Variants in MGP observed in about 807,000 individuals in gnomAD.
MGP encodes the protein matrix Gla protein.
In MGP, 13 loss-of-function variants were observed where a neutral mutation model predicts 14.5. The ratio of observed to expected loss-of-function variants is 0.89; its 90% confidence interval spans 0.58 to 1.42. The LOEUF (loss-of-function observed/expected upper bound fraction) is 1.42, where lower values mean the gene tolerates loss of function less well. Ranked by LOEUF, MGP falls within the 40% of genes most tolerant of loss-of-function variation. MGP has a pLI of 0.00. For missense variants in MGP, 128 were observed against 133.7 expected (o/e 0.96, Z 0.21); for synonymous variants, 44 against 46.3 (o/e 0.95, Z 0.20).
At chr12:14,883,269 G>T in intron 2 of MGP, 1 of 497,434 alleles carries the variant, frequency 2.0e-6, no homozygotes, top group South Asian at 2.2e-5. Context: ...TTGTCATATA[G>T]GCTTTGTTGG....
intron 2 of MGP, chr12:14,883,971 G>A (rs529989847): frequency 8.5e-6 from 3 of 353,902 alleles, no homozygotes; most frequent in Admixed American, 4.3e-5. Context: ...ATTTCCAAAT[G>A]AGATTTTATG....
intron 3 of MGP, 140 bp from the exon 4 acceptor site, chr12:14,882,420 T>G (rs1863388615): frequency 9.2e-7 from 1 of 1,088,860 alleles, no homozygotes. Flanking sequence ...AGGGAGAGGC[T>G]GGGTGCGGTG....
intron 2 of MGP, 38 bp downstream of exon 2, chr12:14,884,175 G>T: frequency 7.1e-7 from 1 of 1,412,930 alleles, no homozygotes. Flanking sequence ...GTTCTTTAAT[G>T]CAAGGGATTT....
chr12:14,880,927 A>G lies in MGP; in HGVS notation c.*1212T>C, dbSNP rs1321476099. Reference sequence around the variant, plus strand: ...AGGTAAGAATTACAACAAATTTTATATCGAAAAATTGTGCAAGCTAGAATT... The same window carrying G: ...AGGTAAGAATTACAACAAATTTTATGTCGAAAAATTGTGCAAGCTAGAATT... On this transcript the variant is annotated 3_prime_UTR_variant, in exon 4 of 4. Transcript: ENST00000539261. Among the ~76,000 whole-genome samples, 1 of 152,246 alleles carries G rather than the reference A, an allele frequency of 6.6e-6. No homozygotes were observed. The highest frequency in any genetic ancestry group is 2.4e-5 in the African/African-American group (1 of 41,464).
At chr12:14,885,700 AAC>A in intron 1 of MGP, 29 bp downstream of exon 1, 4 of 1,592,282 alleles carry the variant, frequency 2.5e-6, no homozygotes, top group South Asian at 1.1e-5. Flanking sequence ...CAGAAAAGTA[AAC>A]ACAGAGAAAT....
At chr12:14,885,617 TAA>T in intron 1 of MGP, 112 bp downstream of exon 1, 5 of 798,278 alleles carry the variant, frequency 6.3e-6, no homozygotes, top group Non-Finnish European at 1.1e-5. Context: ...AATGGTACTT[TAA>T]GATTATAACA....
At position 14,881,869 on chromosome 12, in the gene MGP, A is replaced by T. The variant is rs1339142486; in HGVS notation, c.*270T>A. ...GATTTAAATATCTCAATATCTTCCC[A>T]AAAGAAAGCAGATTTACAAGATGAA... On this transcript the variant is annotated 3_prime_UTR_variant, in exon 4 of 4. Transcript: ENST00000539261. 1 of 451,550 alleles carries T rather than the reference A, an allele frequency of 2.2e-6. No homozygotes were observed. Among genetic ancestry groups the T allele is most frequent in the Non-Finnish European group, 4.1e-6 (1 of 245,736 alleles). The allele number at this position is 451,550 out of a possible 1,614,324, so 28.0% of individuals were successfully genotyped here. A position where few individuals can be genotyped will look rare whatever the true frequency, so the allele number is the denominator to read the frequency against.
chr12:14,885,703 A>G (rs1254195154), intron 1 of MGP, 28 bp downstream of exon 1: 4 of 1,597,950 alleles, frequency 2.5e-6, no homozygotes, highest in Admixed American at 1.7e-5. Context: ...AAAAGTAAAC[A>G]CAGAGAAATG....
Position 14,885,722 on chromosome 12 carries a change from G to GT in MGP, c.61+8dup. 2 of 1,611,458 alleles carry GT rather than the reference G, an allele frequency of 1.2e-6. No individual in the cohort carries two copies. The highest frequency in any genetic ancestry group is 2.2e-5 in the South Asian group (2 of 90,914). On this transcript the variant is annotated intron_variant, in intron 1 of 3. Transcript: ENST00000539261. The stretch of plus-strand genomic sequence containing the variant: ...GTAAACACAGAGAAATGGGAGAAAA[G>GT]TTTCTCACCATAACACAAAGTTACT...
intron 2 of MGP, 70 bp downstream of exon 2, chr12:14,884,143 G>C: frequency 8.1e-7 from 1 of 1,228,474 alleles, no homozygotes; most frequent in Non-Finnish European, 1.1e-6. Context: ...TTTCCATCTT[G>C]TTTATTTAAA....
At chr12:14,884,276 C>T in intron 1 of MGP, 31 bp from the exon 2 acceptor site, 1 of 1,260,114 alleles carries the variant, frequency 7.9e-7, no homozygotes. Context: ...TTCATTATAT[C>T]AATATTTATC....
rs71537691 is a variant in MGP at position 14,880,984 on chromosome 12, C to T, written c.*1155G>A. On this transcript the variant is annotated 3_prime_UTR_variant, in exon 4 of 4. Coordinates refer to ENST00000539261, the MANE Select transcript of MGP (RefSeq NM_000900.5). ...AATACCTTAAAATAATTAAAAGAAACGTGGCAACTTGGGATTCAATATACA... is the reference window on the plus strand; with the variant it reads ...AATACCTTAAAATAATTAAAAGAAATGTGGCAACTTGGGATTCAATATACA... Among the ~76,000 whole-genome samples the T allele has an allele frequency of 0.019, 2,912 of 152,084 alleles. 55 individuals carry two copies. The highest frequency in any genetic ancestry group is 0.051 in the Admixed American group (786 of 15,278).
Position 14,882,120 on chromosome 12 carries a change from T to G in MGP, c.*19A>C. The stretch of plus-strand genomic sequence containing the variant: ...TGCCAGCCTCCAGAAAAAAAGAGAT[T>G]TTTTTTCTTCCCTCAGTCTCATTTG... On this transcript the variant is annotated 3_prime_UTR_variant, in exon 4 of 4. Transcript: ENST00000539261. The G allele has an allele frequency of 1.9e-6, 3 of 1,613,890 alleles. No homozygotes were observed. The highest frequency in any genetic ancestry group is 2.5e-6 in the Non-Finnish European group (3 of 1,179,876).
intron 1 of MGP, among the ~76,000 whole-genome samples, chr12:14,884,548 C>T (rs1863417744): frequency 1.3e-5 from 2 of 152,276 alleles, no homozygotes; most frequent in South Asian, 4.1e-4. Flanking sequence ...CGTCTTCAGA[C>T]AAGCAAAATA....
rs1863378757 is a variant in MGP, at chr12:14,881,982, A to G, written c.*157T>C. The G allele has an allele frequency of 6.8e-6, 6 of 887,190 alleles. No homozygotes were observed. The highest frequency in any genetic ancestry group is 5.2e-5 in the East Asian group (2 of 38,682). 55.0% of individuals were successfully genotyped at this position (887,190 alleles called of 1,614,324 possible). A position where few individuals can be genotyped will look rare whatever the true frequency, so the allele number is the denominator to read the frequency against. ...TGCAGTGCACTTTCATTACTTATCA[A>G]TCTGGGGGCGGGAAAAAGGGGTGCA... On this transcript the variant is annotated 3_prime_UTR_variant, in exon 4 of 4. Transcript: ENST00000539261.
At chr12:14,883,399 C>A (rs1863403551) in intron 2 of MGP, 2 of 332,502 alleles carry the variant, frequency 6.0e-6, no homozygotes, top group Non-Finnish European at 1.2e-5. Context: ...AACTAGATTG[C>A]CGATACATGA....
In MGP at chr12:14,882,300, G is replaced by A. The variant is rs751303697; in HGVS notation, c.171-20C>T. The A allele has an allele frequency of 6.2e-7, 1 of 1,613,874 alleles. No homozygotes were observed. Among genetic ancestry groups the A allele is most frequent in the Admixed American group, 1.7e-5 (1 of 60,006 alleles). On this transcript the variant is annotated intron_variant, in intron 3 of 3. Coordinates refer to ENST00000539261, the MANE Select transcript of MGP (RefSeq NM_000900.5). ...CGGATCCTAGAAAGTGGAAGAAGAG[G>A]CCAAAATTGAGAAGGATAAAGTGGA... is the stretch of plus-strand genomic sequence containing the variant.
intron 1 of MGP, chr12:14,885,012 T>C (rs1425704128): frequency 1.5e-6 from 1 of 670,446 alleles, no homozygotes; most frequent in African/African-American, 1.8e-5. Flanking sequence ...AATTTGTGAA[T>C]ACAAGAGTGA....
At chr12:14,885,172 CAT>C (rs985905561) in intron 1 of MGP, among the ~76,000 whole-genome samples, 1 of 152,116 alleles carries the variant, frequency 6.6e-6, no homozygotes, top group Non-Finnish European at 1.5e-5. Flanking sequence ...TATTTAATGA[CAT>C]ATAGAAAACA....
Sources: gnomAD v4.1 joint callset for allele counts (sites outside exome capture counted in the v4.1 genomes callset) on GRCh38, gnomAD v4.1.1 for gene constraint, MANE v1.5 for transcripts, NCBI Gene and HGNC (gene_info 2026-07-23, HGNC 2026-07-21) for gene names.